DNAH12: variants seen among roughly 807,000 people sequenced by gnomAD.
DNAH12 encodes axonemal beta dynein heavy chain 12.
In DNAH12, 285 loss-of-function variants were observed where a neutral mutation model predicts 371.5. The ratio of observed to expected loss-of-function variants is 0.77; its 90% CI spans 0.70 to 0.85. DNAH12 has a LOEUF of 0.85. Among genes scored for constraint, DNAH12 ranks in the 40% least tolerant of loss-of-function variants. The probability of loss-of-function intolerance (pLI) is 0.00; values close to 1 mark genes in which losing one functional copy is unlikely to be tolerated. For missense variants in DNAH12, 3,611 were observed against 3,689.4 expected, an observed-to-expected ratio of 0.98 and a Z score of 0.55; for synonymous variants, 1,200 against 1,213.0, an observed-to-expected ratio of 0.99 and a Z score of 0.22.
intron 37 of DNAH12, among the ~76,000 whole-genome samples, chr3:57,418,227 GTAT>G (rs1355418300): frequency 6.6e-6 from 1 of 151,552 alleles, no homozygotes; most frequent in Admixed American, 6.6e-5. Flanking sequence ...TTATTTAAAA[GTAT>G]TATTCTGACA....
chr3:57,355,399 T>C (rs1189391786), intron 59 of DNAH12, among the ~76,000 whole-genome samples: 1 of 151,966 alleles, frequency 6.6e-6, no homozygotes, highest in Non-Finnish European at 1.5e-5. Context: ...AATAAACAAA[T>C]GAACCTAACT....
At chr3:57,364,049 G>T (rs2062994994) in intron 57 of DNAH12, among the ~76,000 whole-genome samples, 1 of 152,154 alleles carries the variant, frequency 6.6e-6, no homozygotes, top group Non-Finnish European at 1.5e-5. Context: ...TAGCTGGTAT[G>T]CAAGAGTAAG....
rs1302771076 is a variant in DNAH12 at position 57,446,527 on chromosome 3, A to G, written c.3939+10T>C. ...AACATTTAATATTATTGATTCAGCA[A>G]TTTAACTACCTTTCCCATTGCTAGA... On this transcript the variant is annotated intron_variant, in intron 26 of 73. Transcript: ENST00000495027. 6 of 1,517,778 alleles carry G rather than the reference A, an allele frequency of 4.0e-6. No individual in the cohort carries two copies. The African/African-American group carries it at 5.6e-5, about 14-fold the overall frequency. The allele number at this position is 1,517,778 out of a possible 1,614,324, so 94.0% of individuals were successfully genotyped here. A position where few individuals can be genotyped will look rare whatever the true frequency, so the allele number is the denominator to read the frequency against.
intron 65 of DNAH12, among the ~76,000 whole-genome samples, chr3:57,315,713 A>T (rs1232288108): frequency 6.6e-6 from 1 of 152,032 alleles, no homozygotes; most frequent in East Asian, 1.9e-4. Context: ...GCAGAGAAAG[A>T]GGAAAAGTAT....
At chr3:57,548,941 G>GT (rs953621972), upstream of DNAH12, 5 of 152,124 alleles carry the variant, frequency 3.3e-5, no homozygotes, top group Admixed American at 2.6e-4. Flanking sequence ...GCATTCCATA[G>GT]TTTTTTTAAA....
At position 57,325,816 on chromosome 3, in the gene DNAH12, T is replaced by C. The variant is rs570203850; in HGVS notation, c.9979-2197A>G. ...ACCAAAGGCAAAGAAGTTAAAAACT[T>C]TGAAAAAAATTTAGACAAATGTATA... On this transcript the variant is annotated intron_variant, in intron 62 of 73. Transcript: ENST00000495027. Among the ~76,000 whole-genome samples the C allele has an allele frequency of 2.6e-5, 4 of 152,152 alleles. No individual in the cohort carries two copies. In the South Asian group the frequency reaches 6.2e-4, roughly 24 times the overall value.
In DNAH12 at chr3:57,443,534, G is replaced by A. The variant is rs1388039628; in HGVS notation, c.4545+1163C>T. Among the ~76,000 whole-genome samples, 3 of 152,222 alleles carry A rather than the reference G, an allele frequency of 2.0e-5. No individual in the cohort carries two copies. The East Asian group carries it at 5.8e-4, about 29-fold the overall frequency. ...ATGAAGTTGGAAATGCGAGTGGTTTGTGTCTTATTTTTGTTATTTTAAATT... is the reference window on the plus strand; with the variant it reads ...ATGAAGTTGGAAATGCGAGTGGTTTATGTCTTATTTTTGTTATTTTAAATT... On this transcript the variant is annotated intron_variant, in intron 29 of 73. Coordinates refer to ENST00000495027, the MANE Select transcript of DNAH12 (RefSeq NM_001366028.2).
intron 73 of DNAH12, among the ~76,000 whole-genome samples, chr3:57,295,165 G>C (rs2061207120): frequency 6.6e-6 from 1 of 152,150 alleles, no homozygotes; most frequent in Non-Finnish European, 1.5e-5. Context: ...GTCACTAGCG[G>C]GAGACTGTGT....
intron 4 of DNAH12, 34 bp from the exon 5 acceptor site, chr3:57,511,013 T>C: frequency 6.6e-7 from 1 of 1,516,424 alleles, no homozygotes; most frequent in Non-Finnish European, 8.9e-7. Flanking sequence ...ATGTTCTGCA[T>C]GGTTGTATCA....
chr3:57,510,740 G>A (rs200920962), intron 5 of DNAH12, 50 bp downstream of exon 5: 26 of 1,539,862 alleles, frequency 1.7e-5, no homozygotes, highest in South Asian at 5.8e-5. Context: ...CAGTGGGGAC[G>A]GGGGGAGGCC....
chr3:57,407,598 A>G (rs2064078138), intron 40 of DNAH12, among the ~76,000 whole-genome samples: 1 of 152,138 alleles, frequency 6.6e-6, no homozygotes, highest in African/African-American at 2.4e-5. Flanking sequence ...AACTTGCTTT[A>G]TGAAGCTTCT....
intron 39 of DNAH12, among the ~76,000 whole-genome samples, chr3:57,411,480 T>G (rs2064198834): frequency 8.0e-6 from 1 of 124,778 alleles, no homozygotes. Flanking sequence ...TGAGCCAAGA[T>G]CATGCCACTG....
intron 28 of DNAH12, 139 bp downstream of exon 28, chr3:57,445,035 C>A: frequency 1.7e-6 from 2 of 1,192,720 alleles, no homozygotes; most frequent in Non-Finnish European, 2.3e-6. Context: ...CAACATAACC[C>A]AAAAAACCAT....
At chr3:57,542,968 C>G (rs1346243953) in intron 1 of DNAH12, 65 bp from the exon 2 acceptor site, 1 of 1,218,394 alleles carries the variant, frequency 8.2e-7, no homozygotes, top group Non-Finnish European at 1.1e-6. Flanking sequence ...CATAACATAT[C>G]TAACATATCA....
At chr3:57,417,988 T>C (rs1404369365) in intron 37 of DNAH12, among the ~76,000 whole-genome samples, 1 of 151,728 alleles carries the variant, frequency 6.6e-6, no homozygotes, top group African/African-American at 2.4e-5. Flanking sequence ...CCGACTCTAC[T>C]AAAAATACAA....
At chr3:57,323,721 G>C (rs1575450043) in intron 62 of DNAH12, 102 bp from the exon 63 acceptor site, 1 of 1,217,446 alleles carries the variant, frequency 8.2e-7, no homozygotes, top group Non-Finnish European at 1.1e-6. Flanking sequence ...GAGCCTAATG[G>C]TCAAAAAAAG....
rs950069451 is a variant in DNAH12 at position 57,489,625 on chromosome 3, G to A, written c.1398C>T (p.Tyr466=). ...CTTCACAATCCAAACGCACCATAGTGTAATGAATCCACTGAGGCAAAAGCA... is the reference window on the plus strand; with the variant it reads ...CTTCACAATCCAAACGCACCATAGTATAATGAATCCACTGAGGCAAAAGCA... ...EIMLLPQWIH[Y]TMVRLDCEDL... is the part of the protein sequence containing the mutation. Residue 466 remains tyrosine (Y), a synonymous_variant, in exon 12 of 74, where the codon TAC becomes TAT. Coordinates refer to ENST00000495027, the MANE Select transcript of DNAH12 (RefSeq NM_001366028.2). 3.3e-6 allele frequency: 5 copies of A among 1,536,568 alleles called. No homozygotes were observed. The Admixed American group carries it at 1.1e-4, about 32-fold the overall frequency.
intron 58 of DNAH12, among the ~76,000 whole-genome samples, chr3:57,358,260 T>G (rs1575498949): frequency 6.6e-6 from 1 of 151,986 alleles, no homozygotes; most frequent in Non-Finnish European, 1.5e-5. Flanking sequence ...GCATTAGGAG[T>G]AAAAGGTAGT....
At position 57,462,740 on chromosome 3, in the gene DNAH12, G is replaced by A. The variant is rs532693248; in HGVS notation, c.2485C>T (p.Leu829Phe). The change falls in exon 18 of 74, where the codon CTT (leucine) becomes TTT (phenylalanine). Residue 829 changes from leucine to phenylalanine, a missense_variant. By Grantham distance (22) the Leu-to-Phe change is conservative. Coordinates refer to ENST00000495027, the MANE Select transcript of DNAH12 (RefSeq NM_001366028.2). ...TCAAATTGTTCCAAGTATGGGGTAA[G>A]GTTTAATTTTAAAACTTTTCTCAGT... is the stretch of plus-strand genomic sequence containing the variant. Reference protein sequence around the residue: ...TTLRKVLKLNLTPYLEQFEVI... With the variant: ...TTLRKVLKLNFTPYLEQFEVI... 6.4e-7 allele frequency: 1 copy of A among 1,551,538 alleles called. No individual in the cohort carries two copies. The highest frequency in any genetic ancestry group is 2.4e-5 in the East Asian group (1 of 40,906).
Sources: allele counts gnomAD v4.1 joint callset (sites outside exome capture counted in the v4.1 genomes callset), GRCh38; gene constraint gnomAD v4.1.1; transcripts MANE v1.5; gene names NCBI Gene and HGNC (gene_info 2026-07-23, HGNC 2026-07-21).